The following ACCSL variants were observed in gnomAD, a reference collection of about 807,000 sequenced individuals.
ACCSL encodes 1-aminocyclopropane-1-carboxylate synthase homolog (inactive) like.
In ACCSL, 55 loss-of-function variants were observed where a neutral mutation model predicts 61.7. The ratio of observed to expected loss-of-function variants is 0.89; its 90% CI spans 0.72 to 1.12. The LOEUF (loss-of-function observed/expected upper bound fraction) is 1.12, where lower values mean the gene tolerates loss of function less well. Ranked by LOEUF, ACCSL falls within the 50% of genes most tolerant of loss-of-function variation. The pLI is 0.00. For synonymous variants in ACCSL, 258 were observed against 264.3 expected (o/e 0.98, Z 0.23); for missense variants, 632 against 698.0 (o/e 0.91, Z 1.07).
the ACCSL span, among the ~76,000 whole-genome samples, chr11:44,009,784 A>G: frequency 3.3e-5 from 5 of 152,044 alleles, no homozygotes; most frequent in African/African-American, 1.2e-4. Context: ...AATAAATAAA[A>G]TAATATCAAA....
chr11:44,032,178 T>G, the ACCSL span, among the ~76,000 whole-genome samples: 3 of 152,222 alleles, frequency 2.0e-5, no homozygotes, highest in Non-Finnish European at 4.4e-5. Context: ...TTGCCAAGGT[T>G]GCTTATGTGG....
the ACCSL span, among the ~76,000 whole-genome samples, chr11:44,039,971 G>A: frequency 6.6e-6 from 1 of 152,208 alleles, no homozygotes; most frequent in Non-Finnish European, 1.5e-5. Context: ...CCCTCGGGGA[G>A]GTAGGTTTCA....
At chr11:43,943,562 C>T in the ACCSL span, 1 of 1,316,194 alleles carries the variant, frequency 7.6e-7, no homozygotes, top group South Asian at 1.2e-5. The surrounding 1 kb of genome is among the most constrained non-coding windows in gnomAD (Gnocchi z 4.8). Flanking sequence ...CGGGGAGGCG[C>T]GCCCGCGCTG....
At chr11:43,943,994 C>G in the ACCSL span, 1 of 609,690 alleles carries the variant, frequency 1.6e-6, no homozygotes, top group Non-Finnish European at 2.4e-6. The surrounding 1 kb of genome is among the most constrained non-coding windows in gnomAD (Gnocchi z 4.8). Flanking sequence ...GGGAGTGGAG[C>G]TACCTCCACA....
chr11:44,042,975 C>T, the ACCSL span, among the ~76,000 whole-genome samples: 1 of 150,566 alleles, frequency 6.6e-6, no homozygotes, highest in Non-Finnish European at 1.5e-5. Context: ...ACCAGTTACT[C>T]GGGATGCTGA....
At chr11:44,050,654 T>C (rs1368152574) in intron 3 of ACCSL, 32 bp downstream of exon 3, 2 of 1,601,768 alleles carry the variant, frequency 1.2e-6, no homozygotes, top group African/African-American at 2.7e-5. Context: ...AGTCTCTTGG[T>C]CCCACAGGCA....
At chr11:44,034,575 G>C in the ACCSL span, among the ~76,000 whole-genome samples, 8 of 140,732 alleles carry the variant, frequency 5.7e-5, no homozygotes, top group Non-Finnish European at 1.5e-5. Flanking sequence ...GAGAGAGAGA[G>C]AGCTTGTACA....
At chr11:43,994,329 G>T in the ACCSL span, among the ~76,000 whole-genome samples, 2 of 152,218 alleles carry the variant, frequency 1.3e-5, no homozygotes, top group Non-Finnish European at 2.9e-5. Context: ...CTAACAGTGT[G>T]TGCAGTCTGC....
the ACCSL span, among the ~76,000 whole-genome samples, chr11:43,967,211 C>G: frequency 5.5e-5 from 6 of 109,260 alleles, no homozygotes; most frequent in South Asian, 1.9e-3. Context: ...GAGTTTCGCT[C>G]TTGTCGCCCA....
intron 6 of ACCSL, 84 bp from the exon 7 acceptor site, chr11:44,052,907 G>A (rs1952648577): frequency 1.3e-6 from 2 of 1,497,778 alleles, no homozygotes; most frequent in Non-Finnish European, 1.9e-6. Context: ...CTGGTATGAA[G>A]GCAAAGGATT....
chr11:43,992,757 G>A, the ACCSL span, among the ~76,000 whole-genome samples: 2 of 152,188 alleles, frequency 1.3e-5, no homozygotes, highest in Non-Finnish European at 2.9e-5. Context: ...CTAGTGTCCC[G>A]GAACGTATTC....
the ACCSL span, among the ~76,000 whole-genome samples, chr11:44,038,739 A>C: frequency 6.6e-6 from 1 of 152,226 alleles, no homozygotes. Context: ...GGCTGAAATC[A>C]ACGGGCAAAA....
the ACCSL span, among the ~76,000 whole-genome samples, chr11:43,986,037 G>A: frequency 5.5e-5 from 7 of 126,468 alleles, no homozygotes; most frequent in South Asian, 6.7e-4. Context: ...ATCCAAAGCC[G>A]AGCATTCCAT....
the ACCSL span, among the ~76,000 whole-genome samples, chr11:43,990,799 C>T: frequency 2.0e-5 from 3 of 152,140 alleles, no homozygotes; most frequent in African/African-American, 7.2e-5. Context: ...CAGGGGTGTG[C>T]CGTGGCTCAC....
At chr11:43,956,615 T>A in the ACCSL span, among the ~76,000 whole-genome samples, 2 of 152,284 alleles carry the variant, frequency 1.3e-5, no homozygotes, top group Admixed American at 1.3e-4. Context: ...GAGACAGGGC[T>A]TCACTGTGTT....
the ACCSL span, among the ~76,000 whole-genome samples, chr11:44,025,108 A>G: frequency 6.6e-6 from 1 of 152,182 alleles, no homozygotes; most frequent in African/African-American, 2.4e-5. Flanking sequence ...ACATCATATA[A>G]TTGGATGATA....
At chr11:43,936,689 T>C in the ACCSL span, among the ~76,000 whole-genome samples, 1 of 151,908 alleles carries the variant, frequency 6.6e-6, no homozygotes. Context: ...CCTTACCTGA[T>C]GGTGGCCTTT....
chr11:43,988,806 CTTTTTTTTTTTTTTTTT>C, the ACCSL span, among the ~76,000 whole-genome samples: 98 of 97,242 alleles, frequency 1.0e-3, 1 homozygote, highest in Non-Finnish European at 1.6e-3. Context: ...ATTCTCTCTT[CTTTTTTTTTTTTTTTTT>C]TTTTTTTTGG....
the ACCSL span, chr11:44,001,205 C>T: frequency 6.6e-6 from 1 of 152,074 alleles, no homozygotes; most frequent in African/African-American, 2.4e-5. Flanking sequence ...GACATACTAC[C>T]AAGCAAGGTG....
Sources: allele counts gnomAD v4.1 joint callset (sites outside exome capture counted in the v4.1 genomes callset), GRCh38; gene constraint gnomAD v4.1.1; non-coding constraint Gnocchi (gnomAD v3.1); transcripts MANE v1.5; gene names NCBI Gene and HGNC (gene_info 2026-07-23, HGNC 2026-07-21).